The following KCNK3 variants were observed in gnomAD, a reference collection of about 807,000 sequenced individuals.
KCNK3 encodes potassium channel subfamily K member 3.
A neutral mutation model predicts 27.3 loss-of-function variants in KCNK3; 9 were observed. The observed-to-expected ratio is 0.33, with a 90% CI of 0.20 to 0.57. KCNK3 has a LOEUF of 0.57. KCNK3 is among the 20% of genes least tolerant of loss of function. The pLI is 0.87. For missense variants in KCNK3, 391 were observed against 577.7 expected, an observed-to-expected ratio of 0.68 and a Z score of 3.31; for synonymous variants, 278 against 273.8, an observed-to-expected ratio of 1.02 and a Z score of -0.15.
At chr2:26,714,033 G>A (rs1209185194) in intron 1 of KCNK3, among the ~76,000 whole-genome samples, 5 of 150,814 alleles carry the variant, frequency 3.3e-5, no homozygotes, top group African/African-American at 4.9e-5. Flanking sequence ...CCGAGATCGC[G>A]CCATTGCACT....
intron 1 of KCNK3, among the ~76,000 whole-genome samples, chr2:26,699,315 C>T (rs1024882576): frequency 6.6e-6 from 1 of 152,112 alleles, no homozygotes; most frequent in Non-Finnish European, 1.5e-5. Flanking sequence ...GGCCAGAGAT[C>T]TTTCTGACTG....
intron 1 of KCNK3, among the ~76,000 whole-genome samples, chr2:26,713,347 G>A (rs2148263044): frequency 6.6e-6 from 1 of 152,316 alleles, no homozygotes; most frequent in Middle Eastern, 3.4e-3. Flanking sequence ...GTCAGGAGAG[G>A]CCAGGCCAGT....
At chr2:26,696,049 C>T (rs1670231345) in intron 1 of KCNK3, among the ~76,000 whole-genome samples, 1 of 152,182 alleles carries the variant, frequency 6.6e-6, no homozygotes, top group Admixed American at 6.5e-5. Flanking sequence ...TGATAATGGC[C>T]CCAAACCCAA....
At chr2:26,709,482 C>T (rs1038355075) in intron 1 of KCNK3, among the ~76,000 whole-genome samples, 2 of 152,068 alleles carry the variant, frequency 1.3e-5, no homozygotes, top group African/African-American at 4.8e-5. Context: ...GAACAGTCAA[C>T]CAAGCTGGCC....
intron 1 of KCNK3, among the ~76,000 whole-genome samples, chr2:26,719,394 G>T (rs999232920): frequency 1.3e-5 from 2 of 152,070 alleles, no homozygotes; most frequent in Non-Finnish European, 2.9e-5. Flanking sequence ...TTGTATCCTT[G>T]CCTCAGTAGC....
At chr2:26,726,108 G>C (rs4665346) in intron 1 of KCNK3, among the ~76,000 whole-genome samples, 590 of 46,198 alleles carry the variant, frequency 0.013, 5 homozygotes, top group African/African-American at 0.09. Context: ...CACACACACA[G>C]AGAGAGAGAG....
rs1057330527 is a variant in KCNK3 at position 26,731,224 on chromosome 2, C to T, written c.*2656C>T. 6.6e-6 allele frequency: 1 copy of T among 152,274 alleles called. No homozygotes were observed. 9.4% of individuals were successfully genotyped at this position (152,274 alleles called of 1,614,324 possible). ...CTCAGGCTCCAGCTGCCTCTGTCAT[C>T]GTATGCCCTTGCTGCTGCCAGGGAG... is the stretch of plus-strand genomic sequence containing the variant. On this transcript the variant is annotated 3_prime_UTR_variant, in exon 2 of 2. Coordinates refer to ENST00000302909, the MANE Select transcript of KCNK3 (RefSeq NM_002246.3).
intron 1 of KCNK3, among the ~76,000 whole-genome samples, chr2:26,727,337 C>T (rs898896787): frequency 1.3e-5 from 2 of 152,218 alleles, no homozygotes; most frequent in African/African-American, 2.4e-5. Context: ...ACCCAGGCCA[C>T]CCCTTCTCTA....
At chr2:26,720,481 C>T (rs1375374239) in intron 1 of KCNK3, among the ~76,000 whole-genome samples, 9 of 152,188 alleles carry the variant, frequency 5.9e-5, no homozygotes, top group Admixed American at 5.9e-4. Context: ...CCTTGGCTGC[C>T]GCAGGGATTT....
chr2:26,702,066 G>A (rs532470998), intron 1 of KCNK3, among the ~76,000 whole-genome samples: 1 of 152,282 alleles, frequency 6.6e-6, no homozygotes, highest in Non-Finnish European at 1.5e-5. Flanking sequence ...GAGGTACTAA[G>A]CCTAGGACCT....
chr2:26,697,861 C>CTCAA (rs1323162780), intron 1 of KCNK3, among the ~76,000 whole-genome samples: 1 of 152,178 alleles, frequency 6.6e-6, no homozygotes, highest in East Asian at 1.9e-4. Context: ...AGACTGTGAA[C>CTCAA]TCAAGCAGGT....
Position 26,731,569 on chromosome 2 carries a change from C to A in KCNK3, c.*3001C>A, listed in dbSNP as rs541391994. 6.6e-6 allele frequency: 1 copy of A among 151,972 alleles called. No homozygotes were observed. Among genetic ancestry groups the A allele is most frequent in the Non-Finnish European group, 1.5e-5 (1 of 68,022 alleles). The allele number at this position is 151,972 out of a possible 1,614,324, so 9.4% of individuals were successfully genotyped here. A position where few individuals can be genotyped will look rare whatever the true frequency, so the allele number is the denominator to read the frequency against. ...CTCCAGCCTGAGCGACAGAGTGAGA[C>A]CCTGTCTAAAAAAAAACAATAATAA... is the stretch of plus-strand genomic sequence containing the variant. On this transcript the variant is annotated 3_prime_UTR_variant, in exon 2 of 2. Coordinates refer to ENST00000302909, the MANE Select transcript of KCNK3 (RefSeq NM_002246.3).
chr2:26,699,207 G>GAGAAAGAAAGAAAGAAAAAAAGAA (rs1670274259), intron 1 of KCNK3, among the ~76,000 whole-genome samples: 1 of 130,966 alleles, frequency 7.6e-6, no homozygotes, highest in Non-Finnish European at 1.6e-5. Flanking sequence ...AGGAAAGAGA[G>GAGAAAGAAAGAAAGAAAAAAAGAA]AGAAAGAAAG....
chr2:26,701,365 G>T (rs1450103281), intron 1 of KCNK3, among the ~76,000 whole-genome samples: 1 of 152,190 alleles, frequency 6.6e-6, no homozygotes, highest in Non-Finnish European at 1.5e-5. Context: ...CCGTGAGGTA[G>T]AAGAAAGGGA....
At chr2:26,696,703 A>G (rs1670239385) in intron 1 of KCNK3, among the ~76,000 whole-genome samples, 1 of 152,150 alleles carries the variant, frequency 6.6e-6, no homozygotes, top group Non-Finnish European at 1.5e-5. Flanking sequence ...CTGTTGAGTC[A>G]TTAAACTCCT....
chr2:26,710,095 C>T (rs1438259777), intron 1 of KCNK3, among the ~76,000 whole-genome samples: 1 of 152,244 alleles, frequency 6.6e-6, no homozygotes, highest in African/African-American at 2.4e-5. Flanking sequence ...CACGTCCCTC[C>T]CACCCTGTCC....
chr2:26,714,181 T>C (rs1228706718), intron 1 of KCNK3, among the ~76,000 whole-genome samples: 4 of 151,988 alleles, frequency 2.6e-5, no homozygotes, highest in Admixed American at 2.6e-4. Context: ...GACACTTTAT[T>C]TTACATGCTG....
At chr2:26,722,271 T>C (rs535024659) in intron 1 of KCNK3, among the ~76,000 whole-genome samples, 9 of 152,352 alleles carry the variant, frequency 5.9e-5, no homozygotes, top group Admixed American at 2.0e-4. Flanking sequence ...TAACATTCCA[T>C]GGAACTGGTA....
Position 26,728,263 on chromosome 2 carries a change from G to C in KCNK3, c.880G>C (p.Gly294Arg). 6.3e-7 allele frequency: 1 copy of C among 1,586,520 alleles called. No individual in the cohort carries two copies. The highest frequency in any genetic ancestry group is 8.6e-7 in the Non-Finnish European group (1 of 1,166,630). Reference sequence around the variant, plus strand: ...CTCATCCACGGCGGCAGCGGGCGGCGGCGGCTTCCGCAACGTCTACGCGGA... The same window carrying C: ...CTCATCCACGGCGGCAGCGGGCGGCCGCGGCTTCCGCAACGTCTACGCGGA... ...TASSTAAAGGGGFRNVYAEVL... is the reference protein window; with the variant it reads ...TASSTAAAGGRGFRNVYAEVL... The change falls in exon 2 of 2, where the codon GGC (glycine) becomes CGC (arginine). Residue 294 changes from glycine to arginine, a missense_variant. This residue lies in a region of KCNK3 where 192 missense variants were observed against 196.0 expected (regional missense o/e 0.98). Coordinates refer to ENST00000302909, the MANE Select transcript of KCNK3 (RefSeq NM_002246.3).
Sources: gnomAD v4.1 joint callset for allele counts (sites outside exome capture counted in the v4.1 genomes callset) on GRCh38, gnomAD v4.1.1 for gene constraint, gnomAD v4.1.1 regional missense constraint, MANE v1.5 for transcripts, NCBI Gene and HGNC (gene_info 2026-07-23, HGNC 2026-07-21) for gene names.